The following ICMT variants were observed in gnomAD, a reference collection of about 807,000 sequenced individuals.
ICMT encodes isoprenylcysteine carboxyl methyltransferase, also known as protein-S-isoprenylcysteine O-methyltransferase.
ICMT carries 10 observed loss-of-function variants against 32.2 expected under a neutral mutation model. The observed-to-expected ratio is 0.31, with a 90% CI of 0.19 to 0.53. The LOEUF is 0.53. ICMT is among the 20% of genes least tolerant of loss of function. The pLI is 0.96. For missense variants in ICMT, 265 were observed against 356.9 expected, an observed-to-expected ratio of 0.74 and a Z score of 2.07; for synonymous variants, 183 against 158.2, an observed-to-expected ratio of 1.16 and a Z score of -1.18.
rs1668553547 is a variant in ICMT at position 6,221,667 on chromosome 1, C to T, written c.*3413G>A. 6.6e-6 allele frequency: 1 copy of T among 152,604 alleles called. No homozygotes were observed. Among genetic ancestry groups the T allele is most frequent in the Non-Finnish European group, 1.5e-5 (1 of 68,040 alleles). 9.5% of individuals were successfully genotyped at this position (152,604 alleles called of 1,614,324 possible). On this transcript the variant is annotated 3_prime_UTR_variant, in exon 5 of 5. Transcript: ENST00000343813. ...GAACATTTTCCCCGGTCGTATCAAT[C>T]CCCCAGGTTGGTAAATGAACAGAAG...
At position 6,225,250 on chromosome 1, in the gene ICMT, T is replaced by C; in HGVS notation, c.685A>G (p.Asn229Asp). 6.2e-7 allele frequency: 1 copy of C among 1,613,242 alleles called. No individual in the cohort carries two copies. The highest frequency in any genetic ancestry group is 8.5e-7 in the Non-Finnish European group (1 of 1,179,814). ...WSIGTQVMLCNPICGVSYALT... is the reference protein window; with the variant it reads ...WSIGTQVMLCDPICGVSYALT... ...GCATAGCTGACGCCGCAGATGGGGT[T>C]ACACAGCATCACCTAACAGAGGGAG... Residue 229 changes from asparagine to aspartate, a missense_variant, in exon 5 of 5, where the codon AAC becomes GAC. By Grantham distance (23) the Asn-to-Asp change is conservative. This residue lies in a region of ICMT where 166 missense variants were observed against 264.3 expected (regional missense o/e 0.63). Coordinates refer to ENST00000343813, the MANE Select transcript of ICMT (RefSeq NM_012405.4).
At chr1:6,228,893 G>A (rs1432295659) in intron 4 of ICMT, among the ~76,000 whole-genome samples, 8 of 151,886 alleles carry the variant, frequency 5.3e-5, no homozygotes, top group African/African-American at 1.7e-4. Flanking sequence ...TTAGCTGGGC[G>A]AGGTAGTGCA....
chr1:6,229,585 G>T (rs1482626346), intron 4 of ICMT, among the ~76,000 whole-genome samples: 1 of 152,092 alleles, frequency 6.6e-6, no homozygotes, highest in African/African-American at 2.4e-5. Context: ...CTCAAACCCG[G>T]GAGGCGGAGG....
At position 6,223,296 on chromosome 1, in the gene ICMT, A is replaced by T. The variant is rs1344099954; in HGVS notation, c.*1784T>A. 6.6e-6 allele frequency: 1 copy of T among 152,068 alleles called. No individual in the cohort carries two copies. Among genetic ancestry groups the T allele is most frequent in the African/African-American group, 2.4e-5 (1 of 41,392 alleles). The allele number at this position is 152,068 out of a possible 1,614,324, so 9.4% of individuals were successfully genotyped here. A position where few individuals can be genotyped will look rare whatever the true frequency, so the allele number is the denominator to read the frequency against. On this transcript the variant is annotated 3_prime_UTR_variant, in exon 5 of 5. Transcript: ENST00000343813. ...CTATTTTTTTGTATTTTTAGTAGAG[A>T]CGGGGTTTTATCATGTTGGCCAGGC...
At chr1:6,233,114 A>C (rs1668763464) in intron 3 of ICMT, among the ~76,000 whole-genome samples, 1 of 152,228 alleles carries the variant, frequency 6.6e-6, no homozygotes, top group African/African-American at 2.4e-5. Flanking sequence ...TCGACCTCCC[A>C]AAGTGCTGGG....
At chr1:6,233,355 A>T in intron 3 of ICMT, 119 bp downstream of exon 3, 1 of 848,442 alleles carries the variant, frequency 1.2e-6, no homozygotes. Flanking sequence ...GTGAGGATAG[A>T]GGTCTGCGGA....
chr1:6,234,772 C>G, intron 2 of ICMT, 114 bp downstream of exon 2: 1 of 814,630 alleles, frequency 1.2e-6, no homozygotes, highest in South Asian at 1.5e-5. Flanking sequence ...TTCCAGAGAA[C>G]CCTGAACAGC....
At chr1:6,234,863 A>G in intron 2 of ICMT, 23 bp downstream of exon 2, 1 of 1,559,606 alleles carries the variant, frequency 6.4e-7, no homozygotes, top group Non-Finnish European at 8.8e-7. Flanking sequence ...CCTGAAAACC[A>G]GTATTTCCGA....
Position 6,234,938 on chromosome 1 carries a change from C to G in ICMT, c.232G>C (p.Gly78Arg). The change falls in exon 2 of 5, where the codon GGC becomes CGC. Residue 78 changes from glycine to arginine, a missense_variant. This residue lies in a region of ICMT where 166 missense variants were observed against 264.3 expected (regional missense o/e 0.63). Coordinates refer to ENST00000343813, the MANE Select transcript of ICMT (RefSeq NM_012405.4). Reference protein sequence around the residue: ...IRACFLGFVFGCGTLLSFSQS... With the variant: ...IRACFLGFVFRCGTLLSFSQS... Reference sequence around the variant, plus strand: ...CTAAAACTTAGCAGCGTGCCGCAGCCGAACACAAACCCCAGGAAACAAGCT... The same window carrying G: ...CTAAAACTTAGCAGCGTGCCGCAGCGGAACACAAACCCCAGGAAACAAGCT... 6.2e-7 allele frequency: 1 copy of G among 1,614,026 alleles called. No homozygotes were observed. The highest frequency in any genetic ancestry group is 8.5e-7 in the Non-Finnish European group (1 of 1,179,988).
At chr1:6,225,393 A>G in intron 4 of ICMT, 131 bp from the exon 5 acceptor site, 1 of 824,622 alleles carries the variant, frequency 1.2e-6, no homozygotes, top group Non-Finnish European at 1.9e-6. Context: ...GGTCTCTGGG[A>G]GCAGTACTGT....
Position 6,223,036 on chromosome 1 carries a change from C to A in ICMT, c.*2044G>T, listed in dbSNP as rs1247322408. ...AGAAAAATTGTAATGATGGCTCGGCCACCGCCTTGGCTAGAGTCCCACTGC... is the reference window on the plus strand; with the variant it reads ...AGAAAAATTGTAATGATGGCTCGGCAACCGCCTTGGCTAGAGTCCCACTGC... On this transcript the variant is annotated 3_prime_UTR_variant, in exon 5 of 5. Transcript: ENST00000343813. The A allele has an allele frequency of 6.6e-6, 1 of 152,248 alleles. No homozygotes were observed. Among genetic ancestry groups the A allele is most frequent in the Non-Finnish European group, 1.5e-5 (1 of 68,048 alleles). 9.4% of individuals were successfully genotyped at this position (152,248 alleles called of 1,614,324 possible). A position where few individuals can be genotyped will look rare whatever the true frequency, so the allele number is the denominator to read the frequency against.
Position 6,235,678 on chromosome 1 carries a change from C to A in ICMT, c.195+39G>T, listed in dbSNP as rs985720761. The A allele has an allele frequency of 3.5e-6, 4 of 1,143,650 alleles. No homozygotes were observed. In the African/African-American group the frequency reaches 6.6e-5, roughly 19 times the overall value. 70.8% of individuals were successfully genotyped at this position (1,143,650 alleles called of 1,614,324 possible). On this transcript the variant is annotated intron_variant, in intron 1 of 4. Transcript: ENST00000343813. ...CGCGCCGCGCCAAGCGGACCGCCGC[C>A]CGCCCCGCCGGCCCCCGCCGGCCCC...
At position 6,225,291 on chromosome 1, in the gene ICMT, G is replaced by A. The variant is rs769804421; in HGVS notation, c.673-29C>T. 3.1e-6 allele frequency: 5 copies of A among 1,601,124 alleles called. No homozygotes were observed. In the African/African-American group the frequency reaches 5.4e-5, roughly 17 times the overall value. ...ACAGAGGGAGACACCAGGCTCATCA[G>A]GGTGACCGTGGGATGACGCCCTGTG... On this transcript the variant is annotated intron_variant, in intron 4 of 4. Transcript: ENST00000343813.
chr1:6,233,971 C>T (rs1668776068), intron 2 of ICMT, among the ~76,000 whole-genome samples: 1 of 152,182 alleles, frequency 6.6e-6, no homozygotes, highest in Non-Finnish European at 1.5e-5. Flanking sequence ...GCCTCAGCCT[C>T]TCAAGTAGCT....
In ICMT at chr1:6,222,955, C is replaced by G. The variant is rs986085274; in HGVS notation, c.*2125G>C. ...GGACAAGTTTAGAAATGATTCAACTCAAGTTCCTAAACAGAGTAAGTGCCA... is the reference window on the plus strand; with the variant it reads ...GGACAAGTTTAGAAATGATTCAACTGAAGTTCCTAAACAGAGTAAGTGCCA... On this transcript the variant is annotated 3_prime_UTR_variant, in exon 5 of 5. Coordinates refer to ENST00000343813, the MANE Select transcript of ICMT (RefSeq NM_012405.4). 5.9e-5 allele frequency: 9 copies of G among 152,244 alleles called. No homozygotes were observed. Among genetic ancestry groups the G allele is most frequent in the Non-Finnish European group, 1.3e-4 (9 of 68,062 alleles). 9.4% of individuals were successfully genotyped at this position (152,244 alleles called of 1,614,324 possible). A position where few individuals can be genotyped will look rare whatever the true frequency, so the allele number is the denominator to read the frequency against.
In ICMT at chr1:6,235,817, A is replaced by G. The variant is rs1668817393; in HGVS notation, c.95T>C (p.Leu32Pro). The G allele has an allele frequency of 7.6e-7, 1 of 1,315,346 alleles. No homozygotes were observed. The highest frequency in any genetic ancestry group is 1.6e-5 in the South Asian group (1 of 61,794). The allele number at this position is 1,315,346 out of a possible 1,614,324, so 81.5% of individuals were successfully genotyped here. Residue 32 changes from leucine to proline, a missense_variant, in exon 1 of 5, where the codon CTG becomes CCG. This residue lies in a region of ICMT where 99 missense variants were observed against 92.6 expected (regional missense o/e 1.07). Transcript: ENST00000343813. ...LLGASVLALP[L>P]LTRAGLQGRT... The stretch of plus-strand genomic sequence containing the variant: ...GCCCTGCAGGCCGGCGCGCGTGAGC[A>G]GCGGCAGCGCGAGCACCGAGGCGCC...
At chr1:6,235,020 T>C (rs775203958) in intron 1 of ICMT, 46 bp from the exon 2 acceptor site, 31 of 1,495,900 alleles carry the variant, frequency 2.1e-5, no homozygotes, top group Admixed American at 6.7e-5. Context: ...GTCCTCAGAG[T>C]ACAGATCTGG....
rs1668745310 is a variant in ICMT, at chr1:6,231,986, T to C, written c.588A>G (p.Thr196=). 1 of 1,613,860 alleles carries C rather than the reference T, an allele frequency of 6.2e-7. No homozygotes were observed. Among genetic ancestry groups the C allele is most frequent in the Non-Finnish European group, 8.5e-7 (1 of 1,179,970 alleles). ...NHVVQNEKSD[T]HTLVTSGVYA... ...ACACTCCACTGGTCACCAGAGTATG[T>C]GTATCTGATTTTTCATTCTGTACCA... is the stretch of plus-strand genomic sequence containing the variant. Residue 196 remains threonine (T), a synonymous_variant, in exon 4 of 5, where the codon ACA becomes ACG. Coordinates refer to ENST00000343813, the MANE Select transcript of ICMT (RefSeq NM_012405.4).
chr1:6,225,030 C>T lies in ICMT; in HGVS notation c.*50G>A, dbSNP rs1668622853. 6.6e-7 allele frequency: 1 copy of T among 1,506,692 alleles called. No individual in the cohort carries two copies. The highest frequency in any genetic ancestry group is 9.0e-7 in the Non-Finnish European group (1 of 1,107,252). The allele number at this position is 1,506,692 out of a possible 1,614,324, so 93.3% of individuals were successfully genotyped here. The stretch of plus-strand genomic sequence containing the variant: ...AGCGGCCAACCGGAAACAGTTTTGT[C>T]CCAGGCTGCACAGGGTCGGAGGCCC... On this transcript the variant is annotated 3_prime_UTR_variant, in exon 5 of 5. Coordinates refer to ENST00000343813, the MANE Select transcript of ICMT (RefSeq NM_012405.4).
Sources: gnomAD v4.1 joint callset for allele counts (sites outside exome capture counted in the v4.1 genomes callset) on GRCh38, gnomAD v4.1.1 for gene constraint, gnomAD v4.1.1 regional missense constraint, MANE v1.5 for transcripts, NCBI Gene and HGNC (gene_info 2026-07-23, HGNC 2026-07-21) for gene names.